LINGO1: variants seen among roughly 807,000 people sequenced by gnomAD.
LINGO1 encodes leucine rich repeat and Ig domain containing 1.
A neutral mutation model predicts 37.3 loss-of-function variants in LINGO1; 11 were observed. The observed-to-expected ratio is 0.29, with a 90% CI of 0.19 to 0.49. The LOEUF (loss-of-function observed/expected upper bound fraction) is 0.49. Ranked by LOEUF, LINGO1 falls within the 20% of genes least tolerant of loss-of-function variation. The pLI, the probability that LINGO1 is intolerant of heterozygous loss-of-function variation, is 0.99. For synonymous variants in LINGO1, 387 were observed against 403.0 expected (o/e 0.96, Z 0.48); for missense variants, 585 against 878.2 (o/e 0.67, Z 4.22).
intron 1 of LINGO1, among the ~76,000 whole-genome samples, chr15:77,623,572 G>A (rs1019331869): frequency 6.6e-6 from 1 of 152,124 alleles, no homozygotes; most frequent in Non-Finnish European, 1.5e-5. Flanking sequence ...GCAGTCCTGC[G>A]CCCAGGCTGA....
upstream of LINGO1, among the ~76,000 whole-genome samples, chr15:77,700,917 A>G (rs2075774522): frequency 6.6e-6 from 1 of 152,182 alleles, no homozygotes; most frequent in Admixed American, 6.5e-5. Context: ...ACCAGGCTTC[A>G]GCTCTTGGTC....
intron 2 of LINGO1, among the ~76,000 whole-genome samples, chr15:77,702,899 T>C (rs2141277489): frequency 6.6e-6 from 1 of 152,338 alleles, no homozygotes; most frequent in Non-Finnish European, 1.5e-5. Flanking sequence ...CTGACTTAAA[T>C]CTCATTCTCC....
chr15:77,718,484 A>G lies in LINGO1; in HGVS notation c.-195+16508T>C, dbSNP rs1315066910. Among the ~76,000 whole-genome samples, 3 of 150,818 alleles carry G rather than the reference A, an allele frequency of 2.0e-5. No individual in the cohort carries two copies. The East Asian group carries it at 6.3e-4, about 31-fold the overall frequency. On this transcript the variant is annotated intron_variant, in intron 2 of 3. Transcript: ENST00000561686. ...TGTATGTGTATACAGGACCACACACATGTATGTATTGCGTGCCTACACATG... is the reference window on the plus strand; with the variant it reads ...TGTATGTGTATACAGGACCACACACGTGTATGTATTGCGTGCCTACACATG...
intron 2 of LINGO1, among the ~76,000 whole-genome samples, chr15:77,727,112 G>C (rs951769717): frequency 4.6e-5 from 7 of 152,210 alleles, no homozygotes; most frequent in African/African-American, 1.7e-4. Context: ...GGAGAAATCA[G>C]AACTTTTGTG....
intron 3 of LINGO1, among the ~76,000 whole-genome samples, chr15:77,664,853 G>C (rs58432220): frequency 0.043 from 6,499 of 152,260 alleles, 495 homozygotes; most frequent in African/African-American, 0.15. Flanking sequence ...TGGGGCTGCT[G>C]GCCGTGGCAG....
intron 2 of LINGO1, among the ~76,000 whole-genome samples, chr15:77,706,317 C>A (rs1341319030): frequency 6.6e-6 from 1 of 152,220 alleles, no homozygotes; most frequent in Non-Finnish European, 1.5e-5. Context: ...CCTGGAGTGG[C>A]CCACCTTACT....
intron 3 of LINGO1, chr15:77,667,866 C>G (rs1250794910): frequency 6.6e-6 from 1 of 152,204 alleles, no homozygotes; most frequent in Non-Finnish European, 1.5e-5. Flanking sequence ...AGGGCATCCT[C>G]CAGCTGGATT....
chr15:77,616,026 G>T, intron 1 of LINGO1, 126 bp from the exon 2 acceptor site: 1 of 627,906 alleles, frequency 1.6e-6, no homozygotes, highest in Non-Finnish European at 2.5e-6. Context: ...TAGAGAGGCA[G>T]GGTCCAGATG....
intron 2 of LINGO1, among the ~76,000 whole-genome samples, chr15:77,701,590 G>A (rs914003601): frequency 6.6e-6 from 1 of 152,094 alleles, no homozygotes; most frequent in African/African-American, 2.4e-5. Flanking sequence ...TGGGTCATAG[G>A]GGCAGATCAT....
chr15:77,784,747 G>A (rs1222340321), intron 1 of LINGO1: 1 of 152,108 alleles, frequency 6.6e-6, no homozygotes, highest in Non-Finnish European at 1.5e-5. Flanking sequence ...AAGGTCCCCT[G>A]GGTTCTTAGA....
At chr15:77,691,171 A>G (rs1671272407) in intron 1 of LINGO1, among the ~76,000 whole-genome samples, 1 of 152,220 alleles carries the variant, frequency 6.6e-6, no homozygotes, top group African/African-American at 2.4e-5. Context: ...ATCTTGTTTT[A>G]TTTTAATTAA....
chr15:77,698,026 T>C (rs975490915), upstream of LINGO1, among the ~76,000 whole-genome samples: 3 of 151,938 alleles, frequency 2.0e-5, no homozygotes, highest in Non-Finnish European at 2.9e-5. Context: ...AGAAAGATCA[T>C]TGCAGCCGCC....
At chr15:77,692,111 C>A (rs1596115609) in intron 1 of LINGO1, among the ~76,000 whole-genome samples, 1 of 152,242 alleles carries the variant, frequency 6.6e-6, no homozygotes, top group South Asian at 2.1e-4. Context: ...ATTACGGCTG[C>A]CCTTTCCTTC....
At chr15:77,797,926 C>T (rs1003753337) in intron 1 of LINGO1, among the ~76,000 whole-genome samples, 1 of 152,184 alleles carries the variant, frequency 6.6e-6, no homozygotes, top group East Asian at 1.9e-4. Context: ...TGCTTTGGGG[C>T]CAGGGTCTTC....
In LINGO1 at chr15:77,615,495, C is replaced by T. The variant is rs1323181972; in HGVS notation, c.412G>A (p.Val138Ile). Residue 138 changes from valine (V) to isoleucine (I), a missense_variant, in exon 2 of 2, where the codon GTC becomes ATC. By Grantham distance (29) the Val-to-Ile change is conservative (BLOSUM62 3). This residue lies in a region of LINGO1 where 484 missense variants were observed against 735.0 expected (regional missense o/e 0.66). Coordinates refer to ENST00000355300, the MANE Select transcript of LINGO1 (RefSeq NM_032808.7). ...SNRLKLIPLG[V>I]FTGLSNLTKL... is the part of the protein sequence containing the mutation. Reference sequence around the variant, plus strand: ...GTCAGGTTGCTGAGGCCAGTGAAGACGCCTAGCGGGATGAGCTTCAGGCGG... The same window carrying T: ...GTCAGGTTGCTGAGGCCAGTGAAGATGCCTAGCGGGATGAGCTTCAGGCGG... 9 of 1,613,876 alleles carry T rather than the reference C, an allele frequency of 5.6e-6. No homozygotes were observed. Among genetic ancestry groups the T allele is most frequent in the Non-Finnish European group, 6.8e-6 (8 of 1,179,868 alleles).
At chr15:77,633,247 C>T (rs1315922209), upstream of LINGO1, among the ~76,000 whole-genome samples, 1 of 151,520 alleles carries the variant, frequency 6.6e-6, no homozygotes, top group Non-Finnish European at 1.5e-5. Context: ...GTGCGGTCCT[C>T]CCTGGGTGTA....
rs915614694 is a variant in LINGO1, at chr15:77,646,436, G to A, written c.-12-30536C>T. ...AAGACGGCTAGGGGGCAGGGAAGGC[G>A]AGAAGAGGGAGGAGACACTGGTGTG... On this transcript the variant is annotated intron_variant, in intron 3 of 3. Coordinates refer to the LINGO1 transcript ENST00000559893. The A allele has an allele frequency of 7.0e-5, 32 of 455,942 alleles. No homozygotes were observed. The East Asian group carries it at 1.2e-3, about 17-fold the overall frequency. The allele number at this position is 455,942 out of a possible 1,614,324, so 28.2% of individuals were successfully genotyped here. A position where few individuals can be genotyped will look rare whatever the true frequency, so the allele number is the denominator to read the frequency against.
chr15:77,681,121 C>T (rs942280011), intron 2 of LINGO1, among the ~76,000 whole-genome samples: 8 of 152,124 alleles, frequency 5.3e-5, no homozygotes, highest in East Asian at 1.9e-4. Context: ...AAAGTCATAC[C>T]GGAAACCAGC....
intron 2 of LINGO1, among the ~76,000 whole-genome samples, chr15:77,794,627 G>T: frequency 7.4e-6 from 1 of 135,116 alleles, no homozygotes; most frequent in Non-Finnish European, 1.5e-5. Flanking sequence ...TCGCTCTGTC[G>T]CCCAGGCTGG....
Sources: gnomAD v4.1 joint callset for allele counts (sites outside exome capture counted in the v4.1 genomes callset) on GRCh38, gnomAD v4.1.1 for gene constraint, gnomAD v4.1.1 regional missense constraint, MANE v1.5 for transcripts, NCBI Gene and HGNC (gene_info 2026-07-23, HGNC 2026-07-21) for gene names.